The following TOM1 variants were observed in gnomAD, a reference collection of about 807,000 sequenced individuals.
TOM1 encodes the protein target of myb1 membrane trafficking protein, also known as target of Myb protein 1.
TOM1 carries 38 observed loss-of-function variants against 61.3 expected under a neutral mutation model. The observed-to-expected ratio is 0.62, with a 90% CI of 0.48 to 0.81. TOM1 has a LOEUF of 0.81. Ranked by LOEUF, TOM1 falls within the 40% of genes least tolerant of loss-of-function variation. The probability of loss-of-function intolerance (pLI) is 0.00; values close to 1 mark genes in which losing one functional copy is unlikely to be tolerated. For missense variants in TOM1, 591 were observed against 659.6 expected (o/e 0.90, Z 1.14); for synonymous variants, 270 against 268.8 (o/e 1.00, Z -0.04).
chr22:35,345,830 G>C (rs55958250), intron 13 of TOM1, 46 bp downstream of exon 13: 14 of 1,600,106 alleles, frequency 8.7e-6, no homozygotes, highest in East Asian at 4.5e-5. Flanking sequence ...AGGACCCGTT[G>C]TTCTCACCAA....
chr22:35,326,317 T>C (rs1392070259), intron 6 of TOM1, among the ~76,000 whole-genome samples: 1 of 152,192 alleles, frequency 6.6e-6, no homozygotes, highest in Non-Finnish European at 1.5e-5. Context: ...TTCCCAGGCA[T>C]TCCCAGTGTG....
chr22:35,303,620 C>T lies in TOM1; in HGVS notation c.52+3640C>T, dbSNP rs187591679. Among the ~76,000 whole-genome samples, 294 of 151,560 alleles carry T rather than the reference C, an allele frequency of 1.9e-3. 2 individuals are homozygous for T. The highest frequency in any genetic ancestry group is 6.9e-3 in the African/African-American group (287 of 41,308). On this transcript the variant is annotated intron_variant, in intron 1 of 14. Coordinates refer to ENST00000449058, the MANE Select transcript of TOM1 (RefSeq NM_005488.3). ...TCAAGTGATTCTCCTGCCTCAGCCT[C>T]CCGAGTAGCTGGGATTAGAGGTGCA...
intron 12 of TOM1, among the ~76,000 whole-genome samples, chr22:35,341,968 A>G (rs1929914092): frequency 6.6e-6 from 1 of 152,110 alleles, no homozygotes; most frequent in African/African-American, 2.4e-5. Context: ...CATGATTCCC[A>G]AGAGCAGAGT....
intron 1 of TOM1, among the ~76,000 whole-genome samples, chr22:35,305,030 G>C (rs928746842): frequency 3.9e-5 from 6 of 152,196 alleles, no homozygotes; most frequent in African/African-American, 1.2e-4. Context: ...AAGTCAGAGA[G>C]AGCTGTCTTT....
chr22:35,331,272 C>T, intron 8 of TOM1: 1 of 400,174 alleles, frequency 2.5e-6, no homozygotes, highest in Admixed American at 2.8e-5. Flanking sequence ...ATTTTCTTTT[C>T]TTTTTTTTTT....
chr22:35,312,257 A>G (rs2145625620), intron 1 of TOM1, among the ~76,000 whole-genome samples: 1 of 151,978 alleles, frequency 6.6e-6, no homozygotes, highest in Non-Finnish European at 1.5e-5. Flanking sequence ...AAAAAAAAAA[A>G]AAGACAAGGG....
chr22:35,338,255 G>A (rs1218794556), intron 11 of TOM1, among the ~76,000 whole-genome samples: 2 of 152,212 alleles, frequency 1.3e-5, no homozygotes, highest in African/African-American at 4.8e-5. Flanking sequence ...GCCAGTGCAA[G>A]ACAAGATGGC....
chr22:35,334,575 T>G (rs1446797108), intron 11 of TOM1, 127 bp downstream of exon 11: 11 of 1,180,024 alleles, frequency 9.3e-6, no homozygotes, highest in Non-Finnish European at 1.3e-5. Flanking sequence ...ACGCCCTTAG[T>G]ATCCCCTAAG....
intron 6 of TOM1, among the ~76,000 whole-genome samples, chr22:35,324,310 G>A (rs1928120354): frequency 6.6e-6 from 1 of 151,138 alleles, no homozygotes; most frequent in Admixed American, 6.6e-5. Context: ...GCTGGGCATG[G>A]TCACGTGCGT....
chr22:35,306,924 TA>T (rs1926373993), intron 1 of TOM1, among the ~76,000 whole-genome samples: 1 of 152,188 alleles, frequency 6.6e-6, no homozygotes, highest in Non-Finnish European at 1.5e-5. Flanking sequence ...ACTTGGAAAT[TA>T]AGGCCTTTGC....
chr22:35,304,495 A>C lies in TOM1; in HGVS notation c.52+4515A>C, dbSNP rs138747. On this transcript the variant is annotated intron_variant, in intron 1 of 14. Transcript: ENST00000449058. ...TTTTGTTTTTTGTTTTTTGTTTTTT[A>C]TGAGACAGAGTCTCACTCTGTCGCC... 6.7e-3 allele frequency among the ~76,000 whole-genome samples: 1,024 copies of C among 151,758 alleles called. 5 individuals are homozygous for C. The highest frequency in any genetic ancestry group is 0.027 in the Middle Eastern group (8 of 294).
chr22:35,308,315 ACT>A (rs1926520526), intron 1 of TOM1, among the ~76,000 whole-genome samples: 3 of 121,010 alleles, frequency 2.5e-5, no homozygotes, highest in Admixed American at 2.2e-4. Context: ...ACGGAGTCTC[ACT>A]CTGTTTCCCA....
At chr22:35,341,868 T>C (rs961881416) in intron 12 of TOM1, among the ~76,000 whole-genome samples, 4 of 152,168 alleles carry the variant, frequency 2.6e-5, no homozygotes, top group African/African-American at 7.2e-5. Flanking sequence ...AATCAGGGTA[T>C]GATTTCTTAA....
At chr22:35,337,181 G>A (rs540721212) in intron 11 of TOM1, among the ~76,000 whole-genome samples, 55 of 152,166 alleles carry the variant, frequency 3.6e-4, no homozygotes, top group Non-Finnish European at 6.0e-4. Context: ...CGTGATCCGC[G>A]CGCCTTGGCC....
At chr22:35,318,747 G>T (rs11703973) in intron 2 of TOM1, among the ~76,000 whole-genome samples, 17,227 of 152,334 alleles carry the variant, frequency 0.11, 1,198 homozygotes, top group South Asian at 0.16. Flanking sequence ...CCCAGCGAAG[G>T]CTGGGCAGAG....
intron 11 of TOM1, among the ~76,000 whole-genome samples, chr22:35,337,413 C>T (rs1399281187): frequency 7.9e-5 from 12 of 152,208 alleles, no homozygotes; most frequent in East Asian, 1.9e-4. Context: ...CCACCTCCCC[C>T]GCCACTGGCT....
intron 12 of TOM1, among the ~76,000 whole-genome samples, chr22:35,342,779 C>T (rs1317259504): frequency 6.7e-6 from 1 of 150,284 alleles, no homozygotes; most frequent in Non-Finnish European, 1.5e-5. Context: ...CATCTACACC[C>T]ACCACACACA....
intron 1 of TOM1, among the ~76,000 whole-genome samples, chr22:35,310,606 C>T (rs1926739041): frequency 6.6e-6 from 1 of 152,220 alleles, no homozygotes; most frequent in Admixed American, 6.5e-5. Context: ...AGGATTTCCA[C>T]ACAATAGCTA....
In TOM1 at chr22:35,334,409, C is replaced by G. The variant is rs745475934; in HGVS notation, c.1109C>G (p.Ala370Gly). ...CTGGAAGATGAGTTTGACATGTTTGCGCTGACACGGGGCAGCTCACTGGCT... is the reference window on the plus strand; with the variant it reads ...CTGGAAGATGAGTTTGACATGTTTGGGCTGACACGGGGCAGCTCACTGGCT... Reference protein sequence around the residue: ...GRLEDEFDMFALTRGSSLADQ... With the variant: ...GRLEDEFDMFGLTRGSSLADQ... Residue 370 changes from alanine to glycine, a missense_variant, in exon 11 of 15, where the codon GCG becomes GGG. Physicochemically the swap from Ala to Gly is moderately conservative, Grantham distance 60. Coordinates refer to ENST00000449058, the MANE Select transcript of TOM1 (RefSeq NM_005488.3). 1.2e-6 allele frequency: 2 copies of G among 1,614,074 alleles called. No individual in the cohort carries two copies. Among genetic ancestry groups the G allele is most frequent in the Non-Finnish European group, 1.7e-6 (2 of 1,179,978 alleles).
Sources: gnomAD v4.1 joint callset for allele counts (sites outside exome capture counted in the v4.1 genomes callset) on GRCh38, gnomAD v4.1.1 for gene constraint, MANE v1.5 for transcripts, NCBI Gene and HGNC (gene_info 2026-07-23, HGNC 2026-07-21) for gene names.